RHPN2: variants seen among roughly 807,000 people sequenced by gnomAD.
RHPN2 encodes rhophilin-2.
In RHPN2, 40 loss-of-function variants were observed where a neutral mutation model predicts 79.0. That is an observed-to-expected ratio of 0.51 (90% CI 0.39 to 0.66). The LOEUF is 0.66. Ranked by LOEUF, RHPN2 falls within the 30% of genes least tolerant of loss-of-function variation. RHPN2 has a pLI of 0.00. For missense variants in RHPN2, 686 were observed against 883.5 expected (o/e 0.78, Z 2.83); for synonymous variants, 285 against 363.5 (o/e 0.78, Z 2.46).
Position 32,978,667 on chromosome 19 carries a change from G to A in RHPN2, c.*1329C>T, listed in dbSNP as rs1013195504. ...GAGCAGCAGATACACTTTCCCAAAG[G>A]TGGTTGCTTCCTTTAAGATATTGCA... On this transcript the variant is annotated 3_prime_UTR_variant, in exon 15 of 15. Coordinates refer to ENST00000254260, the MANE Select transcript of RHPN2 (RefSeq NM_033103.5). The A allele has an allele frequency of 3.9e-5, 6 of 152,608 alleles. No individual in the cohort carries two copies. Among genetic ancestry groups the A allele is most frequent in the Non-Finnish European group, 8.8e-5 (6 of 68,050 alleles). 9.5% of individuals were successfully genotyped at this position (152,608 alleles called of 1,614,324 possible).
At chr19:33,054,441 C>G (rs1225839590) in intron 1 of RHPN2, among the ~76,000 whole-genome samples, 1 of 152,020 alleles carries the variant, frequency 6.6e-6, no homozygotes, top group Non-Finnish European at 1.5e-5. Flanking sequence ...CTCAAATGAT[C>G]CTCCTGCCTC....
chr19:33,034,153 C>T (rs143789481), intron 2 of RHPN2, among the ~76,000 whole-genome samples: 1,754 of 149,040 alleles, frequency 0.012, 50 homozygotes, highest in Non-Finnish European at 0.01. Flanking sequence ...CCATCGCGCC[C>T]GGCCTGGCAA....
chr19:33,047,391 C>G (rs16967749), intron 1 of RHPN2, among the ~76,000 whole-genome samples: 1 of 152,046 alleles, frequency 6.6e-6, no homozygotes, highest in Admixed American at 6.6e-5. Flanking sequence ...TGGATTACAA[C>G]GCTTCACGCT....
intron 2 of RHPN2, among the ~76,000 whole-genome samples, chr19:33,041,792 T>A (rs929480691): frequency 6.6e-6 from 1 of 152,196 alleles, no homozygotes; most frequent in Admixed American, 6.5e-5. Context: ...ATTTGTTTAC[T>A]TGTCTATAAA....
intron 1 of RHPN2, among the ~76,000 whole-genome samples, chr19:33,062,359 G>A (rs1972287072): frequency 6.6e-6 from 1 of 152,096 alleles, no homozygotes; most frequent in Non-Finnish European, 1.5e-5. Flanking sequence ...CTACTGGGAA[G>A]GCTGAGGCGG....
chr19:33,044,280 G>T lies in RHPN2; in HGVS notation c.154C>A (p.Arg52=), dbSNP rs750608992. ...ALNQQILKAV[R]MRTGAENLLK... ...AGGTTTTCCGCTCCGGTCCTCATCC[G>T]CACGGCTTTCAGGATCTGCTGATTC... Residue 52 remains arginine, a synonymous_variant, in exon 2 of 15, where the codon CGG becomes AGG. Coordinates refer to ENST00000254260, the MANE Select transcript of RHPN2 (RefSeq NM_033103.5). The T allele has an allele frequency of 7.4e-6, 12 of 1,613,860 alleles. No homozygotes were observed. The Admixed American group carries it at 8.3e-5, about 11-fold the overall frequency.
rs1455168318 is a variant in RHPN2, at chr19:33,012,679, C to A, written c.436G>T (p.Asp146Tyr). ...AGATCCATAAGATCTGCAATTTCATCTTCATATAAATAGCCATCTTCACTG... is the reference window on the plus strand; with the variant it reads ...AGATCCATAAGATCTGCAATTTCATATTCATATAAATAGCCATCTTCACTG... Reference protein sequence around the residue: ...HYSEDGYLYEDEIADLMDLRQ... With the variant: ...HYSEDGYLYEYEIADLMDLRQ... Residue 146 changes from aspartate (D) to tyrosine (Y), a missense_variant, in exon 5 of 15, where the codon GAT (aspartate) becomes TAT (tyrosine). Coordinates refer to ENST00000254260, the MANE Select transcript of RHPN2 (RefSeq NM_033103.5). 11 of 1,608,144 alleles carry A rather than the reference C, an allele frequency of 6.8e-6. No homozygotes were observed. In the South Asian group the frequency reaches 9.9e-5, roughly 14 times the overall value.
At chr19:33,062,050 T>C (rs1170412289) in intron 1 of RHPN2, among the ~76,000 whole-genome samples, 2 of 152,146 alleles carry the variant, frequency 1.3e-5, no homozygotes, top group Non-Finnish European at 1.5e-5. Flanking sequence ...CTAGGATAAA[T>C]AGACTCTTCG....
intron 4 of RHPN2, among the ~76,000 whole-genome samples, chr19:33,017,082 A>C (rs565284263): frequency 6.6e-6 from 1 of 152,290 alleles, no homozygotes; most frequent in Non-Finnish European, 1.5e-5. Context: ...CTTCCTTTAA[A>C]ATGCTTGCAT....
chr19:33,046,800 T>C (rs1238722731), intron 1 of RHPN2, among the ~76,000 whole-genome samples: 1 of 152,194 alleles, frequency 6.6e-6, no homozygotes, highest in Non-Finnish European at 1.5e-5. Context: ...TATCTTTTCA[T>C]GAACTTATTG....
At chr19:33,044,008 T>A (rs1259580675) in intron 2 of RHPN2, among the ~76,000 whole-genome samples, 1 of 152,132 alleles carries the variant, frequency 6.6e-6, no homozygotes, top group Non-Finnish European at 1.5e-5. Context: ...GATGGCTGAC[T>A]GAATTGAAGC....
At chr19:33,057,197 G>C (rs1222906799) in intron 1 of RHPN2, among the ~76,000 whole-genome samples, 1 of 150,688 alleles carries the variant, frequency 6.6e-6, no homozygotes, top group Admixed American at 6.6e-5. Flanking sequence ...TTAAAAATTA[G>C]CCAGGCTTTG....
chr19:33,026,662 C>A, intron 2 of RHPN2, 30 bp from the exon 3 acceptor site: 1 of 1,598,156 alleles, frequency 6.3e-7, no homozygotes, highest in South Asian at 1.1e-5. Context: ...AGAGAAGTGC[C>A]CTCAGCCAGG....
intron 3 of RHPN2, among the ~76,000 whole-genome samples, chr19:33,026,189 C>A (rs1390498497): frequency 6.6e-6 from 1 of 151,886 alleles, no homozygotes; most frequent in Non-Finnish European, 1.5e-5. Context: ...CGGGGTTTCA[C>A]CATGTTGGCC....
intron 2 of RHPN2, among the ~76,000 whole-genome samples, chr19:33,030,181 G>C (rs1971999872): frequency 6.6e-6 from 1 of 152,114 alleles, no homozygotes; most frequent in African/African-American, 2.4e-5. Context: ...TTGTGGCCCT[G>C]GAAGTCCACA....
Position 32,990,602 on chromosome 19 carries a change from A to T in RHPN2, c.1712T>A (p.Leu571Gln), listed in dbSNP as rs759291358. The T allele has an allele frequency of 6.2e-7, 1 of 1,613,892 alleles. No homozygotes were observed. Among genetic ancestry groups the T allele is most frequent in the South Asian group, 1.1e-5 (1 of 91,074 alleles). Residue 571 changes from leucine (L) to glutamine (Q), a missense_variant, in exon 14 of 15, where the codon CTG becomes CAG. Coordinates refer to ENST00000254260, the MANE Select transcript of RHPN2 (RefSeq NM_033103.5). The stretch of plus-strand genomic sequence containing the variant: ...CTTCAGCAGCTTCATAACCTCACTC[A>T]GCGTCAGCCACTTACAATCCACAAG... ...IQLVDCKWLT[L>Q]SEVMKLLKSF... is the part of the protein sequence containing the mutation.
intron 2 of RHPN2, among the ~76,000 whole-genome samples, chr19:33,027,827 T>G (rs1216011102): frequency 1.3e-5 from 2 of 152,012 alleles, no homozygotes; most frequent in Admixed American, 1.3e-4. Context: ...TAATAAAAAT[T>G]CTCAACAAAG....
chr19:33,047,914 C>A (rs1465999642), intron 1 of RHPN2, among the ~76,000 whole-genome samples: 1 of 151,976 alleles, frequency 6.6e-6, no homozygotes, highest in African/African-American at 2.4e-5. Flanking sequence ...TCTGTCTCTA[C>A]AAATAATAAT....
In RHPN2 at chr19:32,996,110, C is replaced by G. The variant is rs148666860; in HGVS notation, c.1336G>C (p.Ala446Pro). The change falls in exon 11 of 15, where the codon GCA (alanine) becomes CCA (proline). Residue 446 changes from alanine to proline, a missense_variant. Coordinates refer to ENST00000254260, the MANE Select transcript of RHPN2 (RefSeq NM_033103.5). ...IEVLQKVLCAAQERSRLTYAQ... is the reference protein window; with the variant it reads ...IEVLQKVLCAPQERSRLTYAQ... Reference sequence around the variant, plus strand: ...TACGTGAGCCGGGAGCGTTCCTGTGCGGCACACAGCACCTTCTGTAGCACC... The same window carrying G: ...TACGTGAGCCGGGAGCGTTCCTGTGGGGCACACAGCACCTTCTGTAGCACC... 1.2e-6 allele frequency: 2 copies of G among 1,613,902 alleles called. No individual in the cohort carries two copies. Among genetic ancestry groups the G allele is most frequent in the African/African-American group, 2.7e-5 (2 of 74,928 alleles).
Sources: gnomAD v4.1 joint callset for allele counts (sites outside exome capture counted in the v4.1 genomes callset) on GRCh38, gnomAD v4.1.1 for gene constraint, MANE v1.5 for transcripts, NCBI Gene and HGNC (gene_info 2026-07-23, HGNC 2026-07-21) for gene names.